Variants in TDRD9 observed in about 807,000 individuals in gnomAD.
TDRD9 encodes the protein ATP-dependent RNA helicase TDRD9.
Under a neutral mutation model 172.6 loss-of-function variants are expected in TDRD9, and 124 were observed. The observed-to-expected ratio is 0.72, with a 90% confidence interval of 0.62 to 0.83. The LOEUF is 0.83. TDRD9 is among the 40% of genes least tolerant of loss of function. The pLI, the probability that TDRD9 is intolerant of heterozygous loss-of-function variation, is 0.00. For missense variants in TDRD9, 1,479 were observed against 1,714.1 expected, an observed-to-expected ratio of 0.86 and a Z score of 2.42; for synonymous variants, 619 against 617.1, an observed-to-expected ratio of 1.00 and a Z score of -0.05.
At chr14:103,998,287 T>G (rs577072174) in intron 12 of TDRD9, among the ~76,000 whole-genome samples, 255 of 151,992 alleles carry the variant, frequency 1.7e-3, no homozygotes, top group African/African-American at 6.1e-3. Flanking sequence ...TGGCAGTCCC[T>G]TGCATCAGCT....
At chr14:103,981,440 T>C (rs920801338) in intron 7 of TDRD9, among the ~76,000 whole-genome samples, 3 of 152,174 alleles carry the variant, frequency 2.0e-5, no homozygotes, top group Admixed American at 1.3e-4. Context: ...CCTTGCCTCA[T>C]GGGTGGGTTA....
chr14:104,040,435 C>A, intron 33 of TDRD9, 101 bp downstream of exon 33: 1 of 1,252,000 alleles, frequency 8.0e-7, no homozygotes, highest in Non-Finnish European at 1.0e-6. Context: ...GCGGTGCAGA[C>A]ACACACCTCT....
chr14:103,992,375 C>T (rs1322067767), intron 9 of TDRD9, among the ~76,000 whole-genome samples: 1 of 152,176 alleles, frequency 6.6e-6, no homozygotes, highest in Admixed American at 6.5e-5. Flanking sequence ...ATATGAGTTT[C>T]AAACTTTTGT....
At chr14:104,048,702 T>A (rs528654201) in intron 34 of TDRD9, among the ~76,000 whole-genome samples, 8 of 152,234 alleles carry the variant, frequency 5.3e-5, no homozygotes, top group African/African-American at 1.4e-4. Flanking sequence ...CTGCTCCCCC[T>A]CTGTGGCACT....
chr14:103,956,661 CT>C (rs67617196), intron 2 of TDRD9, among the ~76,000 whole-genome samples: 62,451 of 144,826 alleles, frequency 0.43, 12,955 homozygotes, highest in African/African-American at 0.48. Context: ...ATTAAAACTA[CT>C]TTTTTTTTTT....
intron 7 of TDRD9, among the ~76,000 whole-genome samples, chr14:103,982,387 C>T (rs1394377050): frequency 1.3e-5 from 2 of 152,146 alleles, no homozygotes; most frequent in Admixed American, 1.3e-4. Flanking sequence ...CTGCACCTGC[C>T]AGGGTCCCTA....
At chr14:104,046,180 C>T (rs886864650) in intron 34 of TDRD9, among the ~76,000 whole-genome samples, 1 of 152,210 alleles carries the variant, frequency 6.6e-6, no homozygotes, top group African/African-American at 2.4e-5. Context: ...TGATCTCGAT[C>T]TCTTGACGTC....
chr14:104,046,978 T>C (rs2035799890), intron 34 of TDRD9, among the ~76,000 whole-genome samples: 1 of 152,224 alleles, frequency 6.6e-6, no homozygotes, highest in Admixed American at 6.5e-5. Flanking sequence ...TACTCTTTTA[T>C]ATTCTTTTCC....
At chr14:103,959,776 A>T (rs1292349514) in intron 2 of TDRD9, among the ~76,000 whole-genome samples, 1 of 152,232 alleles carries the variant, frequency 6.6e-6, no homozygotes, top group East Asian at 1.9e-4. Flanking sequence ...ATGGTTAAAG[A>T]TTAATCATTT....
chr14:103,945,066 T>G, intron 1 of TDRD9, among the ~76,000 whole-genome samples: 1 of 152,302 alleles, frequency 6.6e-6, no homozygotes, highest in East Asian at 1.9e-4. Context: ...CAAATATAAG[T>G]ACACAAATCA....
intron 13 of TDRD9, among the ~76,000 whole-genome samples, chr14:104,000,077 C>T (rs1340697693): frequency 6.6e-6 from 1 of 152,082 alleles, no homozygotes; most frequent in Non-Finnish European, 1.5e-5. Flanking sequence ...CCTGTAATCC[C>T]AGCACTTTGG....
At chr14:104,046,551 G>C (rs1432689382) in intron 34 of TDRD9, among the ~76,000 whole-genome samples, 1 of 152,062 alleles carries the variant, frequency 6.6e-6, no homozygotes, top group Non-Finnish European at 1.5e-5. Flanking sequence ...TTTATTACTG[G>C]GTTTTCTGTT....
At chr14:104,049,010 T>C (rs1231782744) in intron 34 of TDRD9, among the ~76,000 whole-genome samples, 2 of 152,204 alleles carry the variant, frequency 1.3e-5, no homozygotes, top group Admixed American at 6.5e-5. Flanking sequence ...CACCTGGAGC[T>C]GGCAGTTTGT....
At chr14:103,987,123 T>TATATACACACACAC (rs1167102708) in intron 8 of TDRD9, among the ~76,000 whole-genome samples, 23 of 145,686 alleles carry the variant, frequency 1.6e-4, no homozygotes, top group African/African-American at 5.4e-4. Flanking sequence ...AAAAAATATA[T>TATATACACACACAC]ACACACACAC....
Position 104,049,689 on chromosome 14 carries a change from G to C in TDRD9, c.4047+9G>C. ...CCTACGAGTGGAATCAGGTGAGTGG[G>C]ACGCAGGCTGCTACATGAGCAGAGG... On this transcript the variant is annotated intron_variant, in intron 35 of 35. Transcript: ENST00000409874. 1 of 1,571,646 alleles carries C rather than the reference G, an allele frequency of 6.4e-7. No individual in the cohort carries two copies. The highest frequency in any genetic ancestry group is 8.6e-7 in the Non-Finnish European group (1 of 1,158,734).
In TDRD9 at chr14:103,986,252, T is replaced by C; in HGVS notation, c.1047T>C (p.Thr349=). 6.2e-7 allele frequency: 1 copy of C among 1,613,470 alleles called. No individual in the cohort carries two copies. The highest frequency in any genetic ancestry group is 1.1e-5 in the South Asian group (1 of 90,938). The change falls in exon 8 of 36, where the codon ACT becomes ACC. Residue 349 remains threonine (T), a synonymous_variant. Transcript: ENST00000409874. ...ATCTCCTGGAGGAACCGGTGATAACTAAGGATATATATGAAGTTGCTGTCT... is the reference window on the plus strand; with the variant it reads ...ATCTCCTGGAGGAACCGGTGATAACCAAGGATATATATGAAGTTGCTGTCT... The part of the protein sequence containing the change: ...SPHLLEEPVI[T]KDIYEVAVSL...
intron 5 of TDRD9, among the ~76,000 whole-genome samples, chr14:103,969,366 C>G (rs2032920565): frequency 1.3e-5 from 2 of 152,092 alleles, no homozygotes; most frequent in African/African-American, 4.8e-5. Context: ...GAGACTGCCA[C>G]AAGCTGAGGA....
intron 19 of TDRD9, 75 bp from the exon 20 acceptor site, chr14:104,008,338 T>A (rs2034509749): frequency 1.0e-5 from 9 of 874,484 alleles, no homozygotes; most frequent in Non-Finnish European, 1.3e-5. Flanking sequence ...TTGGATGAAA[T>A]ATGTATTAAA....
chr14:104,007,342 G>A (rs572382156), intron 19 of TDRD9, 138 bp downstream of exon 19: 124 of 759,762 alleles, frequency 1.6e-4, no homozygotes, highest in Non-Finnish European at 2.3e-4. Context: ...GTGCTCGCAC[G>A]GCTGTCCCAA....
Sources: gnomAD v4.1 joint callset for allele counts (sites outside exome capture counted in the v4.1 genomes callset) on GRCh38, gnomAD v4.1.1 for gene constraint, MANE v1.5 for transcripts, NCBI Gene and HGNC (gene_info 2026-07-23, HGNC 2026-07-21) for gene names.